The following IQCM variants were observed in gnomAD, a reference collection of about 807,000 sequenced individuals.
The protein encoded by IQCM is IQ motif containing M.
In IQCM, 45 loss-of-function variants were observed where a neutral mutation model predicts 57.6. The ratio of observed to expected loss-of-function variants is 0.78; its 90% CI spans 0.62 to 1.00. The LOEUF (loss-of-function observed/expected upper bound fraction) is 1.00, where lower values mean the gene tolerates loss of function less well. IQCM is among the 50% of genes least tolerant of loss of function. The pLI is 0.00. For synonymous variants in IQCM, 148 were observed against 158.9 expected, an observed-to-expected ratio of 0.93 and a Z score of 0.51; for missense variants, 468 against 511.6, an observed-to-expected ratio of 0.91 and a Z score of 0.82.
intron 10 of IQCM, among the ~76,000 whole-genome samples, chr4:149,555,758 G>T (rs1326469010): frequency 1.3e-5 from 2 of 152,130 alleles, no homozygotes; most frequent in Middle Eastern, 3.2e-3. Context: ...GAATAGAAAA[G>T]TTCCCTCTTG....
At chr4:149,682,319 G>C (rs900820487) in intron 6 of IQCM, 113 bp from the exon 7 acceptor site, 7 of 410,004 alleles carry the variant, frequency 1.7e-5, no homozygotes, top group African/African-American at 1.4e-4. Context: ...ACTTGTCTCT[G>C]GTCAACAGGA....
chr4:149,798,700 T>C (rs527751774), intron 2 of IQCM, among the ~76,000 whole-genome samples: 1 of 152,144 alleles, frequency 6.6e-6, no homozygotes, highest in Admixed American at 6.6e-5. Flanking sequence ...GTCACTATAC[T>C]TATATCAGAC....
chr4:149,354,525 A>G (rs1728821539), intron 13 of IQCM, among the ~76,000 whole-genome samples: 1 of 152,078 alleles, frequency 6.6e-6, no homozygotes, highest in African/African-American at 2.4e-5. Flanking sequence ...TGAGATATGC[A>G]TTCTAGTTCT....
chr4:149,420,455 T>C lies in IQCM; in HGVS notation c.1390+12941A>G, dbSNP rs150286648. On this transcript the variant is annotated intron_variant, in intron 13 of 13. Transcript: ENST00000636793. The stretch of plus-strand genomic sequence containing the variant: ...GAACACATGGACACAGGGAGCGAAA[T>C]AACAACACTGAGGCCTGCTGGGAGG... 2.4e-3 allele frequency among the ~76,000 whole-genome samples: 358 copies of C among 151,702 alleles called. 5 individuals carry two copies. The highest frequency in any genetic ancestry group is 0.02 in the Middle Eastern group (6 of 294).
At chr4:149,766,087 ACTCT>A (rs1770023919) in intron 2 of IQCM, among the ~76,000 whole-genome samples, 1 of 151,272 alleles carries the variant, frequency 6.6e-6, no homozygotes, top group Admixed American at 6.6e-5. Context: ...CAATGAATAA[ACTCT>A]CTCTGTACTG....
intron 2 of IQCM, among the ~76,000 whole-genome samples, chr4:149,783,998 G>T (rs1013843611): frequency 2.0e-5 from 3 of 152,184 alleles, no homozygotes; most frequent in African/African-American, 4.8e-5. Flanking sequence ...TTCATTGAAT[G>T]AAGCCTTTTA....
chr4:149,770,851 T>C (rs76843188), intron 2 of IQCM, among the ~76,000 whole-genome samples: 13,118 of 152,028 alleles, frequency 0.086, 725 homozygotes, highest in East Asian at 0.19. Flanking sequence ...ACTGAACAAT[T>C]TTCCCCCTAG....
chr4:149,529,869 A>T (rs1746557774), intron 12 of IQCM, among the ~76,000 whole-genome samples: 1 of 152,188 alleles, frequency 6.6e-6, no homozygotes, highest in Non-Finnish European at 1.5e-5. Context: ...AGTCTCCATC[A>T]TATTTACAAT....
At position 149,513,456 on chromosome 4, in the gene IQCM, T is replaced by G. The variant is rs1011206461; in HGVS notation, c.1228+34999A>C. On this transcript the variant is annotated intron_variant, in intron 12 of 13. Coordinates refer to ENST00000636793, the MANE Select transcript of IQCM (RefSeq NM_001363507.2). ...GAAAAGAAGGACCACATTTATCCAT[T>G]TAGTTGTAATAAATAATGCAAGCTT... Among the ~76,000 whole-genome samples, 3 of 152,310 alleles carry G rather than the reference T, an allele frequency of 2.0e-5. No individual in the cohort carries two copies. The East Asian group carries it at 5.8e-4, about 29-fold the overall frequency.
At chr4:149,776,609 C>T (rs963793284) in intron 2 of IQCM, among the ~76,000 whole-genome samples, 6 of 151,838 alleles carry the variant, frequency 4.0e-5, no homozygotes, top group Non-Finnish European at 7.4e-5. Flanking sequence ...ACTATTTTGA[C>T]GGTAAAATGT....
At chr4:149,773,425 A>T (rs1770781648) in intron 2 of IQCM, among the ~76,000 whole-genome samples, 1 of 152,122 alleles carries the variant, frequency 6.6e-6, no homozygotes, top group South Asian at 2.1e-4. Flanking sequence ...CCACATGACA[A>T]CCAGTTTGTA....
chr4:149,544,472 C>A (rs1306071547), intron 12 of IQCM, among the ~76,000 whole-genome samples: 1 of 151,982 alleles, frequency 6.6e-6, no homozygotes, highest in East Asian at 1.9e-4. Context: ...TGTTAATATG[C>A]CTATACTACC....
chr4:149,679,263 G>C (rs1307565868), intron 7 of IQCM, among the ~76,000 whole-genome samples: 1 of 151,610 alleles, frequency 6.6e-6, no homozygotes, highest in Non-Finnish European at 1.5e-5. Context: ...GTTAAGTGAA[G>C]TAAGCCAAGC....
chr4:149,649,299 C>T (rs1273552622), intron 7 of IQCM, among the ~76,000 whole-genome samples: 1 of 151,956 alleles, frequency 6.6e-6, no homozygotes. Context: ...CTTAATGCAG[C>T]GAGGGTCTTT....
At chr4:149,552,801 C>A (rs1749162140) in intron 11 of IQCM, among the ~76,000 whole-genome samples, 1 of 152,116 alleles carries the variant, frequency 6.6e-6, no homozygotes, top group Non-Finnish European at 1.5e-5. Context: ...CTTATCTATC[C>A]CCCAGAGGCA....
chr4:149,752,128 C>T (rs573845108), intron 2 of IQCM, among the ~76,000 whole-genome samples: 1 of 152,012 alleles, frequency 6.6e-6, no homozygotes, highest in Middle Eastern at 3.4e-3. Flanking sequence ...ATATTGTCCA[C>T]AATTAACACA....
chr4:149,516,203 G>A (rs1327694273), intron 12 of IQCM, among the ~76,000 whole-genome samples: 1 of 152,196 alleles, frequency 6.6e-6, no homozygotes, highest in Non-Finnish European at 1.5e-5. Context: ...GCTACCTGGT[G>A]GTAGGTTGAT....
chr4:149,763,991 AAAAT>A (rs1769788638), intron 2 of IQCM, among the ~76,000 whole-genome samples: 1 of 152,100 alleles, frequency 6.6e-6, no homozygotes, highest in African/African-American at 2.4e-5. Flanking sequence ...AAATAAATAA[AAAAT>A]AAAAAATCCT....
chr4:149,396,748 C>A (rs886867456), intron 13 of IQCM, among the ~76,000 whole-genome samples: 18 of 151,982 alleles, frequency 1.2e-4, no homozygotes, highest in Non-Finnish European at 1.5e-5. Flanking sequence ...AACTACCATT[C>A]CACTCTTTGA....
Sources: gnomAD v4.1 joint callset for allele counts (sites outside exome capture counted in the v4.1 genomes callset) on GRCh38, gnomAD v4.1.1 for gene constraint, MANE v1.5 for transcripts, NCBI Gene and HGNC (gene_info 2026-07-23, HGNC 2026-07-21) for gene names.